Variants in LZTR1 observed in about 807,000 individuals in gnomAD.
LZTR1 encodes the protein leucine zipper like post translational regulator 1, also known as leucine-zipper-like transcriptional regulator 1.
LZTR1 carries 260 observed loss-of-function variants against 105.7 expected under a neutral mutation model. The observed-to-expected ratio is 2.46, with a 90% confidence interval of 2.22 to 2.72. The LOEUF is 2.72. Ranked by LOEUF, LZTR1 falls within the 30% of genes most tolerant of loss-of-function variation. The pLI, the probability that LZTR1 is intolerant of heterozygous loss-of-function variation, is 0.00. For synonymous variants in LZTR1, 490 were observed against 476.4 expected (o/e 1.03, Z -0.37); for missense variants, 1,214 against 1,166.9 (o/e 1.04, Z -0.59).
At position 20,991,624 on chromosome 22, in the gene LZTR1, C is replaced by A; in HGVS notation, c.792-4C>A. The A allele has an allele frequency of 1.3e-6, 2 of 1,579,694 alleles. No individual in the cohort carries two copies. The highest frequency in any genetic ancestry group is 2.7e-5 in the African/African-American group (2 of 74,714). On this transcript the variant is annotated splice_region_variant and splice_polypyrimidine_tract_variant and intron_variant, in intron 8 of 20. Transcript: ENST00000646124. ...AGCATTGATTCACTGTTGTGTACCC[C>A]CAGGTGGACACGCATCCCAACTGAA... is the stretch of plus-strand genomic sequence containing the variant.
chr22:20,994,880 T>A lies in LZTR1; in HGVS notation c.1796T>A (p.Leu599Gln). The A allele has an allele frequency of 1.2e-6, 2 of 1,613,358 alleles. No homozygotes were observed. The highest frequency in any genetic ancestry group is 1.7e-6 in the Non-Finnish European group (2 of 1,179,956). The change falls in exon 16 of 21, where the codon CTG becomes CAG. Residue 599 changes from leucine (L) to glutamine (Q), a missense_variant. By Grantham distance (113) the Leu-to-Gln change is moderately radical. Coordinates refer to ENST00000646124, the MANE Select transcript of LZTR1 (RefSeq NM_006767.4). ...GCCTGTCTGCCCCAGGAGCACTGCC[T>A]GAACTTCGTGGTAAAGGAGTCCCAC... ...LQLSQLKEHC[L>Q]NFVVKESHFN...
chr22:20,994,878 C>T lies in LZTR1; in HGVS notation c.1794C>T (p.Cys598=), dbSNP rs982944299. The T allele has an allele frequency of 6.2e-7, 1 of 1,613,240 alleles. No homozygotes were observed. Among genetic ancestry groups the T allele is most frequent in the Non-Finnish European group, 8.5e-7 (1 of 1,179,926 alleles). ...RLQLSQLKEH[C]LNFVVKESHF... Reference sequence around the variant, plus strand: ...GTGCCTGTCTGCCCCAGGAGCACTGCCTGAACTTCGTGGTAAAGGAGTCCC... The same window carrying T: ...GTGCCTGTCTGCCCCAGGAGCACTGTCTGAACTTCGTGGTAAAGGAGTCCC... The change falls in exon 16 of 21, where the codon TGC becomes TGT. Residue 598 remains cysteine (C), a synonymous_variant. Coordinates refer to ENST00000646124, the MANE Select transcript of LZTR1 (RefSeq NM_006767.4).
At chr22:20,989,861 G>C (rs1924538377) in intron 7 of LZTR1, among the ~76,000 whole-genome samples, 179 bp downstream of exon 7, 1 of 152,086 alleles carries the variant, frequency 6.6e-6, no homozygotes, top group Non-Finnish European at 1.5e-5. Flanking sequence ...GCCCAGCCTC[G>C]ACCTGAGCCT....
chr22:20,982,707 G>A, intron 1 of LZTR1, 136 bp downstream of exon 1: 1 of 852,072 alleles, frequency 1.2e-6, no homozygotes, highest in South Asian at 1.6e-5. Flanking sequence ...TGTACAGGAC[G>A]CTGTTCAGGG....
chr22:20,997,096 C>G lies in LZTR1; in HGVS notation c.2406+130C>G, dbSNP rs758327793. 296 of 1,139,618 alleles carry G rather than the reference C, an allele frequency of 2.6e-4. No individual in the cohort carries two copies. The highest frequency in any genetic ancestry group is 3.4e-4 in the Non-Finnish European group (262 of 761,996). The allele number at this position is 1,139,618 out of a possible 1,614,324, so 70.6% of individuals were successfully genotyped here. A position where few individuals can be genotyped will look rare whatever the true frequency, so the allele number is the denominator to read the frequency against. On this transcript the variant is annotated intron_variant, in intron 20 of 20. Transcript: ENST00000646124. ...TGGGGGTGAGAGAAGCAGAGCAGCC[C>G]ATCACTGGCCGCACCTTGCTTCATC...
At chr22:20,996,170 T>A in intron 18 of LZTR1, 58 bp downstream of exon 18, 8 of 1,582,252 alleles carry the variant, frequency 5.1e-6, no homozygotes, top group Non-Finnish European at 6.9e-6. Context: ...GGCACCCACC[T>A]CAGGTGGCTT....
intron 11 of LZTR1, 111 bp from the exon 12 acceptor site, chr22:20,993,551 G>C (rs950157045): frequency 1.2e-6 from 1 of 831,790 alleles, no homozygotes; most frequent in Non-Finnish European, 1.9e-6. Context: ...CTGCCTCCTG[G>C]GCCCTGAGGG....
intron 14 of LZTR1, 77 bp from the exon 15 acceptor site, chr22:20,994,481 C>G: frequency 6.7e-7 from 1 of 1,496,938 alleles, no homozygotes; most frequent in Non-Finnish European, 9.1e-7. Context: ...CCACACTCTT[C>G]CATGGGGGGA....
At chr22:20,990,841 A>G (rs1924583878) in intron 8 of LZTR1, 1 of 274,282 alleles carries the variant, frequency 3.6e-6, no homozygotes, top group East Asian at 1.0e-4. Flanking sequence ...ATAGATCTCA[A>G]ATAATGGCAG....
intron 3 of LZTR1, 171 bp downstream of exon 3, chr22:20,986,068 C>A: frequency 1.5e-6 from 1 of 671,878 alleles, no homozygotes; most frequent in Non-Finnish European, 2.5e-6. Context: ...CCCTGTCAGG[C>A]TGAGGAGATC....
intron 9 of LZTR1, 121 bp from the exon 10 acceptor site, chr22:20,992,093 C>A: frequency 9.8e-7 from 1 of 1,019,700 alleles, no homozygotes; most frequent in East Asian, 2.4e-5. Context: ...CTGGGAAGCC[C>A]ACGGCCATGC....
Position 20,991,717 on chromosome 22 carries a change from GC to G in LZTR1, c.883del (p.His295ThrfsTer56). 6.3e-7 allele frequency: 1 copy of G among 1,588,364 alleles called. No homozygotes were observed. Among genetic ancestry groups the G allele is most frequent in the Non-Finnish European group, 8.6e-7 (1 of 1,167,950 alleles). On this transcript the variant is annotated frameshift_variant, in exon 9 of 21. Transcript: ENST00000646124. LOFTEE classifies it high-confidence loss of function. ...GGGCATACCATGGTGGCCTTTGACC[GC>G]CACCTCTATGTGTTTGGGGGTGCGG... ...RYGHTMVAFD[R>X]HLYVFGGAAD...
In LZTR1 at chr22:20,998,975, C is replaced by G. The variant is rs1034372450; in HGVS notation, c.*1627C>G. Reference sequence around the variant, plus strand: ...TCTATGCTGACCCTTGTCACTGAACCCTGATCTAGACTTATATGAATAAAT... The same window carrying G: ...TCTATGCTGACCCTTGTCACTGAACGCTGATCTAGACTTATATGAATAAAT... On this transcript the variant is annotated 3_prime_UTR_variant, in exon 21 of 21. Transcript: ENST00000646124. 2 of 152,242 alleles carry G rather than the reference C, an allele frequency of 1.3e-5. No homozygotes were observed. The highest frequency in any genetic ancestry group is 6.5e-5 in the Admixed American group (1 of 15,286). The allele number at this position is 152,242 out of a possible 1,614,324, so 9.4% of individuals were successfully genotyped here. A position where few individuals can be genotyped will look rare whatever the true frequency, so the allele number is the denominator to read the frequency against.
rs1445469428 is a variant in LZTR1 at position 20,991,790 on chromosome 22, C to T, written c.954C>T (p.Phe318=). ...AGCTGCACTGCTATGACGTGGACTT[C>T]CAGACCTGGGAGGTCGTCCAGCCCA... ...PNELHCYDVD[F]QTWEVVQPSS... The change falls in exon 9 of 21, where the codon TTC becomes TTT. Residue 318 remains phenylalanine, a synonymous_variant. Transcript: ENST00000646124. 1.9e-6 allele frequency: 3 copies of T among 1,552,572 alleles called. No individual in the cohort carries two copies. The highest frequency in any genetic ancestry group is 2.6e-6 in the Non-Finnish European group (3 of 1,147,876).
In LZTR1 at chr22:20,992,782, C is replaced by T. The variant is rs1924651415; in HGVS notation, c.1150-12C>T. On this transcript the variant is annotated splice_polypyrimidine_tract_variant and intron_variant, in intron 10 of 20. Transcript: ENST00000646124. Reference sequence around the variant, plus strand: ...CTCCCCCACCATTCCACCCTGCCTTCTTGTCCCCCAGCTGCCCAGTGGGAG... The same window carrying T: ...CTCCCCCACCATTCCACCCTGCCTTTTTGTCCCCCAGCTGCCCAGTGGGAG... 6.5e-7 allele frequency: 1 copy of T among 1,549,790 alleles called. No homozygotes were observed. The highest frequency in any genetic ancestry group is 1.4e-5 in the African/African-American group (1 of 73,684).
rs753295968 is a variant in LZTR1, at chr22:20,988,074, C to T, written c.465C>T (p.Tyr155=). 6.2e-7 allele frequency: 1 copy of T among 1,613,544 alleles called. No individual in the cohort carries two copies. Among genetic ancestry groups the T allele is most frequent in the East Asian group, 2.2e-5 (1 of 44,882 alleles). The change falls in exon 5 of 21, where the codon TAC becomes TAT. Residue 155 remains tyrosine, a synonymous_variant. Coordinates refer to ENST00000646124, the MANE Select transcript of LZTR1 (RefSeq NM_006767.4). ...NLKNKNDLFE[Y]KFATGQWTEW... ...AGAATAAAAACGACCTCTTTGAATA[C>T]AAGTTTGCAACTGGCCAGTGGACGG...
intron 6 of LZTR1, 52 bp from the exon 7 acceptor site, chr22:20,989,573 C>A (rs1924520156): frequency 1.4e-6 from 2 of 1,464,058 alleles, no homozygotes; most frequent in Non-Finnish European, 9.6e-7. Flanking sequence ...CAGGACTAGG[C>A]CCACCCTGAC....
chr22:20,992,461 A>C, intron 10 of LZTR1, 92 bp downstream of exon 10: 1 of 1,363,278 alleles, frequency 7.3e-7, no homozygotes, highest in Non-Finnish European at 9.9e-7. Flanking sequence ...TGAGGCCCCG[A>C]GAAATACTTG....
chr22:20,988,406 G>C (rs1045985405), intron 5 of LZTR1, among the ~76,000 whole-genome samples: 1 of 152,172 alleles, frequency 6.6e-6, no homozygotes, highest in African/African-American at 2.4e-5. Flanking sequence ...TGACTTCAAG[G>C]CTGCAGTGAA....
Sources: allele counts gnomAD v4.1 joint callset (sites outside exome capture counted in the v4.1 genomes callset), GRCh38; gene constraint gnomAD v4.1.1; transcripts MANE v1.5; gene names NCBI Gene and HGNC (gene_info 2026-07-23, HGNC 2026-07-21).